CCDC7: variants seen among roughly 807,000 people sequenced by gnomAD.
The protein encoded by CCDC7 is coiled-coil domain containing 7, also known as coiled-coil domain-containing protein 7.
Under a neutral mutation model 196.9 loss-of-function variants are expected in CCDC7, and 183 were observed. The observed-to-expected ratio is 0.93, with a 90% CI of 0.82 to 1.05. CCDC7 has a LOEUF of 1.05. CCDC7 is among the 50% of genes least tolerant of loss of function. CCDC7 has a pLI of 0.00. For synonymous variants in CCDC7, 525 were observed against 484.6 expected, an observed-to-expected ratio of 1.08 and a Z score of -1.10; for missense variants, 1,540 against 1,482.2, an observed-to-expected ratio of 1.04 and a Z score of -0.64.
intron 28 of CCDC7, among the ~76,000 whole-genome samples, chr10:32,754,923 AC>A (rs534521816): frequency 9.1e-4 from 138 of 151,864 alleles, no homozygotes; most frequent in African/African-American, 3.1e-3. Flanking sequence ...CCACCCTAAT[AC>A]TGCGCTTTTC....
At chr10:32,488,559 C>T (rs980907023) in intron 8 of CCDC7, among the ~76,000 whole-genome samples, 1 of 152,150 alleles carries the variant, frequency 6.6e-6, no homozygotes, top group Non-Finnish European at 1.5e-5. Flanking sequence ...GCAGAAATCA[C>T]CCGTCTTCTG....
chr10:32,847,843 A>G, exon 38 of CCDC7: 1 of 1,608,410 alleles, frequency 6.2e-7, no homozygotes, highest in Non-Finnish European at 8.5e-7. Context: ...AGACTGATGT[A>G]GAACCCTTGA....
intron 16 of CCDC7, among the ~76,000 whole-genome samples, chr10:32,578,486 A>T (rs2058438846): frequency 6.6e-6 from 1 of 151,550 alleles, no homozygotes; most frequent in South Asian, 2.1e-4. Context: ...CTGCAACTAG[A>T]TGGTCCCATC....
intron 13 of CCDC7, among the ~76,000 whole-genome samples, chr10:32,563,081 C>A (rs1393097916): frequency 3.3e-5 from 5 of 151,986 alleles, no homozygotes; most frequent in African/African-American, 1.2e-4. Context: ...ACCTAGGAAT[C>A]CAACTTACAA....
At chr10:32,471,917 C>T (rs2133920680) in intron 6 of CCDC7, among the ~76,000 whole-genome samples, 1 of 152,224 alleles carries the variant, frequency 6.6e-6, no homozygotes, top group African/African-American at 2.4e-5. Flanking sequence ...TCATACTTGA[C>T]ATTTAAGTGT....
At chr10:32,834,995 C>T (rs1298990322) in intron 33 of CCDC7, 97 bp downstream of exon 34, 3 of 514,572 alleles carry the variant, frequency 5.8e-6, no homozygotes, top group African/African-American at 2.0e-5. Flanking sequence ...TAAGTTATTA[C>T]ATGCGAAAAT....
intron 8 of CCDC7, among the ~76,000 whole-genome samples, chr10:32,481,027 G>A (rs980839178): frequency 3.9e-5 from 6 of 152,058 alleles, no homozygotes; most frequent in African/African-American, 1.4e-4. Flanking sequence ...TTTAGGTGTT[G>A]CAATGTTGGG....
At chr10:32,718,708 A>T (rs2081978112) in intron 25 of CCDC7, among the ~76,000 whole-genome samples, 1 of 152,156 alleles carries the variant, frequency 6.6e-6, no homozygotes, top group Non-Finnish European at 1.5e-5. Context: ...CAAAAATCAC[A>T]AGCATTCCTA....
chr10:32,571,006 C>T (rs1433260634), intron 15 of CCDC7, among the ~76,000 whole-genome samples: 13 of 131,392 alleles, frequency 9.9e-5, no homozygotes, highest in African/African-American at 8.6e-5. Flanking sequence ...GGTCACTGGC[C>T]TTTTTTTTTT....
intron 28 of CCDC7, among the ~76,000 whole-genome samples, chr10:32,732,062 A>G (rs936085256): frequency 1.3e-5 from 2 of 152,136 alleles, no homozygotes; most frequent in Non-Finnish European, 2.9e-5. Context: ...AAAAAAACAA[A>G]ACAAAACTGA....
chr10:32,471,646 C>T (rs932961216), intron 6 of CCDC7, among the ~76,000 whole-genome samples: 2 of 152,144 alleles, frequency 1.3e-5, no homozygotes, highest in African/African-American at 4.8e-5. Context: ...TGAACACCTT[C>T]ATTAATTATA....
At chr10:32,480,952 G>T (rs763118589) in intron 8 of CCDC7, among the ~76,000 whole-genome samples, 5 of 151,936 alleles carry the variant, frequency 3.3e-5, no homozygotes, top group Non-Finnish European at 7.4e-5. Flanking sequence ...AGTACTGAAG[G>T]CCTCTGCTAT....
chr10:32,619,839 T>G (rs1003083772), intron 18 of CCDC7, among the ~76,000 whole-genome samples: 3 of 148,664 alleles, frequency 2.0e-5, no homozygotes, highest in African/African-American at 7.5e-5. Context: ...TCTCAAGTGA[T>G]CCTCCCACCT....
At chr10:32,525,966 C>T (rs2048610903) in intron 11 of CCDC7, among the ~76,000 whole-genome samples, 1 of 152,224 alleles carries the variant, frequency 6.6e-6, no homozygotes, top group South Asian at 2.1e-4. Context: ...GACTTGAAGC[C>T]AGCACAGGAC....
At chr10:32,718,929 G>A (rs1453679033) in intron 25 of CCDC7, among the ~76,000 whole-genome samples, 5 of 152,160 alleles carry the variant, frequency 3.3e-5, no homozygotes, top group East Asian at 1.9e-4. Flanking sequence ...AATCAAGATC[G>A]TGAAAATGGC....
chr10:32,674,177 T>C (rs1160935500), intron 21 of CCDC7, among the ~76,000 whole-genome samples: 1 of 151,840 alleles, frequency 6.6e-6, no homozygotes, highest in Non-Finnish European at 1.5e-5. Flanking sequence ...TTCCTTGAAG[T>C]GTAAAGTTAG....
At chr10:32,525,833 C>CT (rs1330630829) in intron 11 of CCDC7, among the ~76,000 whole-genome samples, 2 of 152,178 alleles carry the variant, frequency 1.3e-5, no homozygotes, top group Non-Finnish European at 2.9e-5. Context: ...AGGAACTTTT[C>CT]TTTTTTTCCC....
At chr10:32,753,887 C>T (rs998626683) in intron 28 of CCDC7, among the ~76,000 whole-genome samples, 1 of 151,758 alleles carries the variant, frequency 6.6e-6, no homozygotes, top group Non-Finnish European at 1.5e-5. Flanking sequence ...TCATAAATTT[C>T]GTTTTTTGTG....
At chr10:32,780,707 T>A (rs2080913718) in intron 29 of CCDC7, among the ~76,000 whole-genome samples, 1 of 151,978 alleles carries the variant, frequency 6.6e-6, no homozygotes, top group South Asian at 2.1e-4. Flanking sequence ...AAGATGGAAT[T>A]AGAGGAAATG....
Sources: allele counts gnomAD v4.1 joint callset (sites outside exome capture counted in the v4.1 genomes callset), GRCh38; gene constraint gnomAD v4.1.1; transcripts MANE v1.5; gene names NCBI Gene and HGNC (gene_info 2026-07-23, HGNC 2026-07-21).